The following CELF2 variants were observed in gnomAD, a reference collection of about 807,000 sequenced individuals.
CELF2 encodes CUGBP Elav-like family member 2.
Under a neutral mutation model 62.6 loss-of-function variants are expected in CELF2, and 8 were observed. The observed-to-expected ratio is 0.13, with a 90% CI of 0.07 to 0.23. The LOEUF (loss-of-function observed/expected upper bound fraction) is 0.23. CELF2 is among the 10% of genes least tolerant of loss of function. The probability of loss-of-function intolerance (pLI) is 1.00; values close to 1 mark genes in which losing one functional copy is unlikely to be tolerated. For synonymous variants in CELF2, 258 were observed against 250.0 expected (o/e 1.03, Z -0.30); for missense variants, 333 against 671.0 (o/e 0.50, Z 5.56).
intron 8 of CELF2, among the ~76,000 whole-genome samples, chr10:11,283,190 G>A (rs1230331894): frequency 2.0e-5 from 3 of 152,214 alleles, no homozygotes; most frequent in Admixed American, 1.3e-4. Flanking sequence ...TCTCAGCTGG[G>A]CTGTGCTTTG....
intron 2 of CELF2, among the ~76,000 whole-genome samples, chr10:11,204,766 C>T (rs1449488002): frequency 6.6e-6 from 1 of 152,256 alleles, no homozygotes; most frequent in Non-Finnish European, 1.5e-5. Flanking sequence ...GTGCCCCAGG[C>T]TTCCGCCGGA....
chr10:10,843,413 T>C (rs2058811241), intron 1 of CELF2, among the ~76,000 whole-genome samples: 1 of 152,060 alleles, frequency 6.6e-6, no homozygotes, highest in African/African-American at 2.4e-5. Flanking sequence ...TCTTTTATAA[T>C]ATATGCAGAT....
chr10:10,733,214 G>A, the CELF2 span, among the ~76,000 whole-genome samples: 1 of 152,098 alleles, frequency 6.6e-6, no homozygotes, highest in Non-Finnish European at 1.5e-5. Context: ...CCATTGAAGC[G>A]CCCTCCTCTG....
At chr10:10,915,244 C>T (rs1413237651) in intron 1 of CELF2, among the ~76,000 whole-genome samples, 1 of 151,862 alleles carries the variant, frequency 6.6e-6, no homozygotes, top group Non-Finnish European at 1.5e-5. Flanking sequence ...CCAAATACTG[C>T]TATAACTATA....
chr10:10,988,527 G>A (rs1692730524), intron 2 of CELF2, among the ~76,000 whole-genome samples: 1 of 152,038 alleles, frequency 6.6e-6, no homozygotes, highest in African/African-American at 2.4e-5. Flanking sequence ...AGGGTTGGGA[G>A]GTGGTGAGGG....
the CELF2 span, among the ~76,000 whole-genome samples, chr10:10,676,202 C>T: frequency 6.6e-6 from 1 of 152,136 alleles, no homozygotes; most frequent in Non-Finnish European, 1.5e-5. Context: ...ATTTCTCCTT[C>T]CTTAGGTGAG....
upstream of CELF2, among the ~76,000 whole-genome samples, chr10:11,015,004 C>T (rs917676789): frequency 1.3e-5 from 2 of 152,170 alleles, no homozygotes; most frequent in East Asian, 1.9e-4. The surrounding 1 kb of genome is among the most constrained non-coding windows in gnomAD (Gnocchi z 4.8). Context: ...TTCATATCCA[C>T]GGGTGGGGCC....
the CELF2 span, chr10:10,788,973 C>G: frequency 6.6e-6 from 1 of 152,062 alleles, no homozygotes; most frequent in African/African-American, 2.4e-5. Flanking sequence ...AGTTGTCTTG[C>G]CAGTTATTAT....
At chr10:11,124,242 C>T (rs189253629) in intron 1 of CELF2, among the ~76,000 whole-genome samples, 12 of 152,272 alleles carry the variant, frequency 7.9e-5, no homozygotes, top group African/African-American at 1.2e-4. Context: ...CCCTCTGTCT[C>T]TCTTGATAAT....
chr10:11,284,027 T>G (rs71491571), intron 8 of CELF2, among the ~76,000 whole-genome samples: 410 of 10,900 alleles, frequency 0.038, no homozygotes, highest in East Asian at 0.052. Context: ...GGGTGGATGA[T>G]GGATGAGTGT....
intron 2 of CELF2, among the ~76,000 whole-genome samples, chr10:10,976,657 C>G (rs1047449944): frequency 2.6e-5 from 4 of 152,132 alleles, no homozygotes; most frequent in African/African-American, 9.7e-5. Flanking sequence ...ATGCACCTAA[C>G]AAGGCTTTGG....
chr10:10,563,173 CCCA>C, the CELF2 span, among the ~76,000 whole-genome samples: 1 of 152,096 alleles, frequency 6.6e-6, no homozygotes, highest in Non-Finnish European at 1.5e-5. Flanking sequence ...GGCTTACCTT[CCCA>C]AATTTCAGCC....
intron 2 of CELF2, among the ~76,000 whole-genome samples, chr10:11,213,581 C>T (rs2062495957): frequency 6.6e-6 from 1 of 152,126 alleles, no homozygotes; most frequent in African/African-American, 2.4e-5. Flanking sequence ...ATATTGTCTG[C>T]AGGTGGGTAA....
the CELF2 span, among the ~76,000 whole-genome samples, chr10:10,607,065 C>G: frequency 1.9e-4 from 29 of 152,230 alleles, no homozygotes; most frequent in Non-Finnish European, 3.5e-4. Context: ...TATGTGCTCT[C>G]CATAAATATT....
In CELF2 at chr10:11,267,531, G is replaced by T. The variant is rs1359835630; in HGVS notation, c.618+854G>T. 6.6e-6 allele frequency among the ~76,000 whole-genome samples: 1 copy of T among 152,204 alleles called. No homozygotes were observed. The highest frequency in any genetic ancestry group is 1.5e-5 in the Non-Finnish European group (1 of 68,028). Reference sequence around the variant, plus strand: ...GTATACTGTATCTTTGTGTATGGGTGATCTTTTCCGGAGGTGGCCTTGTGG... The same window carrying T: ...GTATACTGTATCTTTGTGTATGGGTTATCTTTTCCGGAGGTGGCCTTGTGG... On this transcript the variant is annotated intron_variant, in intron 6 of 12. Coordinates refer to ENST00000633077, the MANE Select transcript of CELF2 (RefSeq NM_001326342.2). This position sits in a 1 kb window ranked among gnomAD's most constrained non-coding sequence, Gnocchi z 4.4.
rs2052338957 is a variant in CELF2 at position 10,983,099 on chromosome 10, G to A, written c.89+63100G>A. ...TCTCAATCCGGTAATTAGCTGAAGT[G>A]CTACATTTTAAAAAATAATTTAAGC... On this transcript the variant is annotated intron_variant, in intron 2 of 13. Transcript: ENST00000636488. The surrounding 1 kb of genome is among the most constrained non-coding windows in gnomAD (Gnocchi z 5.2). 6.6e-6 allele frequency among the ~76,000 whole-genome samples: 1 copy of A among 151,634 alleles called. No homozygotes were observed. The highest frequency in any genetic ancestry group is 1.5e-5 in the Non-Finnish European group (1 of 67,942).
chr10:11,148,312 G>A (rs1408987343), intron 1 of CELF2, among the ~76,000 whole-genome samples: 1 of 152,216 alleles, frequency 6.6e-6, no homozygotes, highest in South Asian at 2.1e-4. Flanking sequence ...TTTAGCCAGC[G>A]GAGGCCTGTG....
intron 1 of CELF2, among the ~76,000 whole-genome samples, chr10:10,904,406 A>AT (rs1244952347): frequency 6.6e-6 from 1 of 151,772 alleles, no homozygotes; most frequent in Non-Finnish European, 1.5e-5. Flanking sequence ...TTTTATTTTT[A>AT]TTTTTTGTAA....
chr10:11,155,461 A>C (rs2064159736), intron 1 of CELF2, among the ~76,000 whole-genome samples: 1 of 152,158 alleles, frequency 6.6e-6, no homozygotes, highest in South Asian at 2.1e-4. Flanking sequence ...CAGGCTGTGG[A>C]AAACCAACAT....
Sources: gnomAD v4.1 joint callset for allele counts (sites outside exome capture counted in the v4.1 genomes callset) on GRCh38, gnomAD v4.1.1 for gene constraint, Gnocchi (gnomAD v3.1) non-coding constraint, MANE v1.5 for transcripts, NCBI Gene and HGNC (gene_info 2026-07-23, HGNC 2026-07-21) for gene names.